Variants in AFG1L observed in about 807,000 individuals in gnomAD.
AFG1L encodes AFG1-like ATPase.
A neutral mutation model predicts 62.2 loss-of-function variants in AFG1L; 53 were observed. The ratio of observed to expected loss-of-function variants is 0.85; its 90% CI spans 0.68 to 1.07. The LOEUF (loss-of-function observed/expected upper bound fraction) is 1.07. AFG1L is among the 50% of genes least tolerant of loss of function. AFG1L has a pLI of 0.00. For missense variants in AFG1L, 555 were observed against 590.5 expected (o/e 0.94, Z 0.62); for synonymous variants, 228 against 210.3 (o/e 1.08, Z -0.73).
At chr6:108,485,561 G>T (rs541106532) in intron 10 of AFG1L, among the ~76,000 whole-genome samples, 15 of 132,014 alleles carry the variant, frequency 1.1e-4, no homozygotes, top group Middle Eastern at 4.7e-3. Context: ...TCTTTGAGAG[G>T]AATATGTCAT....
At chr6:108,416,595 TA>T (rs1490676718) in intron 7 of AFG1L, among the ~76,000 whole-genome samples, 1 of 152,046 alleles carries the variant, frequency 6.6e-6, no homozygotes, top group Non-Finnish European at 1.5e-5. Flanking sequence ...TATGCAGCCA[TA>T]AAAAAGGATG....
intron 6 of AFG1L, among the ~76,000 whole-genome samples, chr6:108,366,967 C>A (rs150514899): frequency 6.6e-6 from 1 of 152,252 alleles, no homozygotes; most frequent in East Asian, 1.9e-4. Flanking sequence ...ATCTGCATGG[C>A]TAAGCCCTCA....
At chr6:108,311,149 T>A (rs547724645) in intron 1 of AFG1L, among the ~76,000 whole-genome samples, 1 of 152,206 alleles carries the variant, frequency 6.6e-6, no homozygotes, top group East Asian at 1.9e-4. Flanking sequence ...TCCCTTGTAC[T>A]CCTCCAGTAG....
intron 2 of AFG1L, among the ~76,000 whole-genome samples, chr6:108,344,217 A>C (rs541598932): frequency 2.0e-5 from 3 of 152,058 alleles, no homozygotes; most frequent in Admixed American, 2.0e-4. Context: ...GTTCAAGGTG[A>C]TTCTCCCACC....
chr6:108,407,716 A>T (rs1204545275), intron 7 of AFG1L, among the ~76,000 whole-genome samples: 1 of 151,556 alleles, frequency 6.6e-6, no homozygotes, highest in Non-Finnish European at 1.5e-5. Context: ...AATCAATCCC[A>T]CAGGAGGGAA....
At chr6:108,509,390 T>A (rs563721884) in intron 10 of AFG1L, among the ~76,000 whole-genome samples, 1 of 152,316 alleles carries the variant, frequency 6.6e-6, no homozygotes, top group East Asian at 1.9e-4. Flanking sequence ...ACTTGAATAA[T>A]TGTACCTTAA....
intron 8 of AFG1L, among the ~76,000 whole-genome samples, chr6:108,469,115 C>T (rs1009579154): frequency 1.3e-5 from 2 of 152,150 alleles, no homozygotes; most frequent in African/African-American, 4.8e-5. Flanking sequence ...GTTCTGAGTG[C>T]ATAAGCAGAG....
chr6:108,384,695 A>T (rs1310276633), intron 6 of AFG1L, among the ~76,000 whole-genome samples: 3 of 152,186 alleles, frequency 2.0e-5, no homozygotes, highest in Non-Finnish European at 4.4e-5. Flanking sequence ...GGAGAGGGTG[A>T]GGTAAAGAAA....
intron 1 of AFG1L, among the ~76,000 whole-genome samples, chr6:108,297,675 C>T (rs986482608): frequency 2.6e-5 from 4 of 151,342 alleles, no homozygotes; most frequent in African/African-American, 7.3e-5. Flanking sequence ...GGCAACATGG[C>T]AAAACCCCCT....
intron 6 of AFG1L, among the ~76,000 whole-genome samples, chr6:108,388,263 C>G (rs1460596784): frequency 1.3e-5 from 2 of 152,114 alleles, no homozygotes; most frequent in African/African-American, 2.4e-5. Context: ...TGATTCTTCT[C>G]TCTTTTCTTC....
At chr6:108,469,668 T>A (rs1411251669) in intron 8 of AFG1L, among the ~76,000 whole-genome samples, 2 of 152,214 alleles carry the variant, frequency 1.3e-5, no homozygotes, top group African/African-American at 2.4e-5. Context: ...TGAAGAGGGC[T>A]TTGTGCAGTG....
At chr6:108,468,027 C>T (rs1304908571) in intron 8 of AFG1L, among the ~76,000 whole-genome samples, 2 of 152,172 alleles carry the variant, frequency 1.3e-5, no homozygotes, top group East Asian at 3.8e-4. Flanking sequence ...GGATAACTAA[C>T]CCCATATTTA....
intron 7 of AFG1L, among the ~76,000 whole-genome samples, chr6:108,431,480 A>G (rs1193518919): frequency 6.6e-6 from 1 of 152,176 alleles, no homozygotes; most frequent in Non-Finnish European, 1.5e-5. Context: ...ATTTGTAGAA[A>G]TTATTATGTC....
intron 11 of AFG1L, 52 bp downstream of exon 11, chr6:108,510,404 A>G: frequency 7.0e-7 from 1 of 1,436,296 alleles, no homozygotes; most frequent in Non-Finnish European, 9.5e-7. Flanking sequence ...TTGTGAAGCC[A>G]GATTGCCTGG....
rs1417201209 is a variant in AFG1L, at chr6:108,295,219, G to T, written c.139+1G>T. On this transcript the variant is annotated splice_donor_variant, in intron 1 of 12. Coordinates refer to ENST00000368977, the MANE Select transcript of AFG1L (RefSeq NM_145315.5). LOFTEE classifies it high-confidence loss of function. The stretch of plus-strand genomic sequence containing the variant: ...GCCCCTGGGAAGCCCTTTTGGAAAG[G>T]TCAGTGACTGTGCCATGAGTAGTCC... 3 of 1,600,946 alleles carry T rather than the reference G, an allele frequency of 1.9e-6. No individual in the cohort carries two copies. Among genetic ancestry groups the T allele is most frequent in the Non-Finnish European group, 2.5e-6 (3 of 1,179,126 alleles).
rs751550847 is a variant in AFG1L at position 108,366,217 on chromosome 6, GTGT to G, written c.649-9_649-7del. 2.7e-6 allele frequency: 4 copies of G among 1,496,810 alleles called. No individual in the cohort carries two copies. In the South Asian group the frequency reaches 4.7e-5, roughly 17 times the overall value. The allele number at this position is 1,496,810 out of a possible 1,614,324, so 92.7% of individuals were successfully genotyped here. A position where few individuals can be genotyped will look rare whatever the true frequency, so the allele number is the denominator to read the frequency against. On this transcript the variant is annotated splice_polypyrimidine_tract_variant and intron_variant, in intron 5 of 12. Coordinates refer to ENST00000368977, the MANE Select transcript of AFG1L (RefSeq NM_145315.5). ...GAAGTGAAATTAAAATAAAACAAAT[GTGT>G]TGTTGTCAATAGGTCACTGACATTG...
At chr6:108,519,187 T>C (rs1358081220) in intron 11 of AFG1L, among the ~76,000 whole-genome samples, 1 of 152,128 alleles carries the variant, frequency 6.6e-6, no homozygotes, top group Non-Finnish European at 1.5e-5. Context: ...GTGGAAGGAA[T>C]GGAAGGCAAA....
chr6:108,381,997 G>GTT (rs768825605), intron 6 of AFG1L, among the ~76,000 whole-genome samples: 4,045 of 118,224 alleles, frequency 0.034, 107 homozygotes, highest in South Asian at 0.079. Context: ...TTTATTCACT[G>GTT]TTTTTTTTTT....
At chr6:108,336,297 A>G (rs1245821720) in intron 2 of AFG1L, among the ~76,000 whole-genome samples, 2 of 152,216 alleles carry the variant, frequency 1.3e-5, no homozygotes, top group Non-Finnish European at 2.9e-5. Context: ...GGAGAGAAAC[A>G]GGAAAAGTAG....
Sources: allele counts gnomAD v4.1 joint callset (sites outside exome capture counted in the v4.1 genomes callset), GRCh38; gene constraint gnomAD v4.1.1; transcripts MANE v1.5; gene names NCBI Gene and HGNC (gene_info 2026-07-23, HGNC 2026-07-21).